The following TMC1 variants were observed in gnomAD, a reference collection of about 807,000 sequenced individuals.
The protein encoded by TMC1 is transmembrane channel-like protein 1.
TMC1 carries 84 observed loss-of-function variants against 105.8 expected under a neutral mutation model. The observed-to-expected ratio is 0.79, with a 90% CI of 0.67 to 0.95. The LOEUF (loss-of-function observed/expected upper bound fraction) is 0.95, where lower values mean the gene tolerates loss of function less well. TMC1 is among the 40% of genes least tolerant of loss of function. The pLI, the probability that TMC1 is intolerant of heterozygous loss-of-function variation, is 0.00. For missense variants in TMC1, 817 were observed against 914.1 expected, an observed-to-expected ratio of 0.89 and a Z score of 1.37; for synonymous variants, 315 against 311.5, an observed-to-expected ratio of 1.01 and a Z score of -0.12.
intron 13 of TMC1, among the ~76,000 whole-genome samples, chr9:72,780,816 T>A (rs1314986416): frequency 6.6e-6 from 1 of 152,180 alleles, no homozygotes; most frequent in African/African-American, 2.4e-5. Flanking sequence ...CCCAGGTTCA[T>A]AAAATAAGTT....
At chr9:72,749,151 ACCC>A in intron 10 of TMC1, among the ~76,000 whole-genome samples, 1 of 152,058 alleles carries the variant, frequency 6.6e-6, no homozygotes, top group Non-Finnish European at 1.5e-5. Flanking sequence ...GTATATTTGT[ACCC>A]TACACGCAAG....
Position 72,648,809 on chromosome 9 carries a change from T to A in TMC1, c.16+145T>A, listed in dbSNP as rs1825756308. On this transcript the variant is annotated intron_variant, in intron 5 of 23. Transcript: ENST00000297784. ...TTTTCATTTTTTTCTGTGGGTAGTT[T>A]CCCTTTGTTTCCTGAGAAATTGAGA... The A allele has an allele frequency of 1.3e-5, 9 of 706,278 alleles. No homozygotes were observed. In the East Asian group the frequency reaches 2.4e-4, roughly 19 times the overall value. 43.8% of individuals were successfully genotyped at this position (706,278 alleles called of 1,614,324 possible).
intron 1 of TMC1, among the ~76,000 whole-genome samples, chr9:72,572,630 C>T (rs1824308175): frequency 6.6e-6 from 1 of 152,086 alleles, no homozygotes; most frequent in Non-Finnish European, 1.5e-5. Flanking sequence ...GTGTACATTG[C>T]CACTAGCAAT....
intron 9 of TMC1, among the ~76,000 whole-genome samples, chr9:72,740,872 C>G (rs1827377820): frequency 6.6e-6 from 1 of 152,012 alleles, no homozygotes; most frequent in Non-Finnish European, 1.5e-5. Context: ...TACTCACATA[C>G]AATAGATTAA....
At chr9:72,790,217 A>G (rs1181649566) in intron 15 of TMC1, among the ~76,000 whole-genome samples, 2 of 152,200 alleles carry the variant, frequency 1.3e-5, no homozygotes, top group East Asian at 3.9e-4. Flanking sequence ...GCAGAACAGT[A>G]TAGATCAAAA....
At chr9:72,688,877 C>A in intron 6 of TMC1, 121 bp downstream of exon 6, 1 of 839,876 alleles carries the variant, frequency 1.2e-6, no homozygotes, top group Non-Finnish European at 2.0e-6. Flanking sequence ...GATAACTTTT[C>A]ATGGTCTCAC....
chr9:72,525,339 GCT>G (rs746102363), intron 1 of TMC1, among the ~76,000 whole-genome samples: 176 of 152,250 alleles, frequency 1.2e-3, no homozygotes, highest in Non-Finnish European at 2.0e-3. Context: ...TGCCTCTGCT[GCT>G]CTTTGTCCTC....
chr9:72,805,612 T>C (rs35431794), intron 18 of TMC1, 102 bp downstream of exon 18: 7 of 1,093,516 alleles, frequency 6.4e-6, no homozygotes, highest in African/African-American at 1.6e-5. Context: ...GGCAGGGTCA[T>C]AGGACAATAG....
chr9:72,814,896 T>TTGTGTGTGTGTGTGTGTGTGTG, intron 18 of TMC1, among the ~76,000 whole-genome samples: 1 of 119,234 alleles, frequency 8.4e-6, no homozygotes, highest in South Asian at 3.4e-4. Context: ...TGGATCATCT[T>TTGTGTGTGTGTGTGTGTGTGTG]TGTGTGTGTG....
At chr9:72,802,902 CA>C (rs1366123518) in intron 17 of TMC1, among the ~76,000 whole-genome samples, 20 of 151,912 alleles carry the variant, frequency 1.3e-4, no homozygotes, top group Non-Finnish European at 2.4e-4. Context: ...CATATGGAAC[CA>C]AAAAAGAGTC....
chr9:72,783,042 C>T (rs2118159940), intron 13 of TMC1, among the ~76,000 whole-genome samples: 1 of 152,218 alleles, frequency 6.6e-6, no homozygotes, highest in Non-Finnish European at 1.5e-5. Context: ...CACTACCTGA[C>T]TTCAGACTAT....
chr9:72,616,418 C>T lies in TMC1; in HGVS notation c.-255C>T, dbSNP rs977311007. 1 of 152,016 alleles carries T rather than the reference C, an allele frequency of 6.6e-6. No individual in the cohort carries two copies. The highest frequency in any genetic ancestry group is 2.4e-5 in the African/African-American group (1 of 41,376). The allele number at this position is 152,016 out of a possible 1,614,324, so 9.4% of individuals were successfully genotyped here. A position where few individuals can be genotyped will look rare whatever the true frequency, so the allele number is the denominator to read the frequency against. On this transcript the variant is annotated 5_prime_UTR_variant, in exon 3 of 24. Transcript: ENST00000297784. ...TGCGTGGTGCAGTGGAACAGATAGA[C>T]CTCGGTTTGAATCTCAGCTCTACTG...
chr9:72,829,427 A>G (rs1318775977), intron 21 of TMC1, among the ~76,000 whole-genome samples: 2 of 152,218 alleles, frequency 1.3e-5, no homozygotes, highest in African/African-American at 4.8e-5. Flanking sequence ...ACTTGAAAGG[A>G]CTTGTGAAAT....
chr9:72,604,626 A>G (rs1269261281), intron 2 of TMC1, among the ~76,000 whole-genome samples: 6 of 152,168 alleles, frequency 3.9e-5, no homozygotes, highest in Admixed American at 6.5e-5. Context: ...GAGACAGTTT[A>G]TCTGTGTTTT....
chr9:72,654,203 A>C (rs1422632879), intron 5 of TMC1, among the ~76,000 whole-genome samples: 3 of 152,222 alleles, frequency 2.0e-5, no homozygotes, highest in African/African-American at 4.8e-5. Context: ...AAGTGGCTAC[A>C]TATAATTTTG....
At chr9:72,780,653 G>A (rs1240498711) in intron 13 of TMC1, among the ~76,000 whole-genome samples, 1 of 152,082 alleles carries the variant, frequency 6.6e-6, no homozygotes, top group East Asian at 1.9e-4. Flanking sequence ...AAAACAAAAA[G>A]AGAAGAGCCT....
At chr9:72,537,495 G>A (rs1297698579) in intron 1 of TMC1, among the ~76,000 whole-genome samples, 1 of 152,124 alleles carries the variant, frequency 6.6e-6, no homozygotes, top group Non-Finnish European at 1.5e-5. Context: ...GCCATATCTA[G>A]TTTACAATCA....
intron 13 of TMC1, among the ~76,000 whole-genome samples, chr9:72,777,953 C>T (rs914334895): frequency 6.6e-6 from 1 of 152,170 alleles, no homozygotes; most frequent in African/African-American, 2.4e-5. Flanking sequence ...TGTATTCATT[C>T]ATTTGATTAC....
At chr9:72,786,366 C>G (rs1347930931) in intron 13 of TMC1, among the ~76,000 whole-genome samples, 2 of 152,146 alleles carry the variant, frequency 1.3e-5, no homozygotes, top group East Asian at 3.9e-4. Flanking sequence ...ATGGCGTGAT[C>G]CCGGGAGGCG....
Sources: gnomAD v4.1 joint callset for allele counts (sites outside exome capture counted in the v4.1 genomes callset) on GRCh38, gnomAD v4.1.1 for gene constraint, MANE v1.5 for transcripts, NCBI Gene and HGNC (gene_info 2026-07-23, HGNC 2026-07-21) for gene names.